TENM3: variants seen among roughly 807,000 people sequenced by gnomAD.
TENM3 encodes the protein teneurin transmembrane protein 3, also known as teneurin-3.
In TENM3, 63 loss-of-function variants were observed where a neutral mutation model predicts 255.1. The observed-to-expected ratio is 0.25, with a 90% CI of 0.20 to 0.30. The LOEUF (loss-of-function observed/expected upper bound fraction) is 0.30. TENM3 is among the 10% of genes least tolerant of loss of function. The probability of loss-of-function intolerance (pLI) is 1.00; values close to 1 mark genes in which losing one functional copy is unlikely to be tolerated. For missense variants in TENM3, 2,929 were observed against 3,461.1 expected, an observed-to-expected ratio of 0.85 and a Z score of 3.86; for synonymous variants, 1,306 against 1,322.3, an observed-to-expected ratio of 0.99 and a Z score of 0.27.
In TENM3 at chr4:182,793,349, T is replaced by C; in HGVS notation, c.6677T>C (p.Ile2226Thr). 1.2e-6 allele frequency: 2 copies of C among 1,613,778 alleles called. No individual in the cohort carries two copies. Among genetic ancestry groups the C allele is most frequent in the Non-Finnish European group, 1.7e-6 (2 of 1,179,720 alleles). The change falls in exon 26 of 28, where the codon ATC becomes ACC. Residue 2226 changes from isoleucine to threonine, a missense_variant. Coordinates refer to ENST00000511685, the MANE Select transcript of TENM3 (RefSeq NM_001080477.4). The surrounding 1 kb of genome is among the most constrained non-coding windows in gnomAD (Gnocchi z 5.7). ...AGTAAAGGCAGTGGCTGGACAGTGA[T>C]CTACCGTTATGACGGCCTGGGAAGG... ...VYSKGSGWTV[I>T]YRYDGLGRRV... is the part of the protein sequence containing the mutation.
chr4:181,899,639 C>T, the TENM3 span, among the ~76,000 whole-genome samples: 1 of 152,080 alleles, frequency 6.6e-6, no homozygotes, highest in South Asian at 2.1e-4. Context: ...GCGATCTCAG[C>T]TCACTGAAAC....
At chr4:182,728,411 T>C (rs549080610) in intron 13 of TENM3, among the ~76,000 whole-genome samples, 2 of 147,736 alleles carry the variant, frequency 1.4e-5, no homozygotes, top group East Asian at 3.9e-4. Context: ...TAATCACTAA[T>C]TTTTTTATTT....
the TENM3 span, among the ~76,000 whole-genome samples, chr4:181,605,533 AGAAAGAAAG>A: frequency 8.3e-5 from 2 of 24,082 alleles, no homozygotes; most frequent in African/African-American, 1.8e-4. Context: ...AAAGAAAGAA[AGAAAGAAAG>A]AAAGAAAGAA....
At chr4:182,172,285 G>T (rs1752160309) in intron 1 of TENM3, among the ~76,000 whole-genome samples, 1 of 152,122 alleles carries the variant, frequency 6.6e-6, no homozygotes, top group African/African-American at 2.4e-5. Context: ...AGGACTGTGT[G>T]GGGAGGGAAA....
rs1268398463 is a variant in TENM3, at chr4:182,792,455, A to G, written c.5783A>G (p.Tyr1928Cys). Reference protein sequence around the residue: ...PESNASIITDYNEEGLLLQTA... With the variant: ...PESNASIITDCNEEGLLLQTA... Reference sequence around the variant, plus strand: ...AGCAACGCCTCCATCATCACGGACTACAACGAGGAAGGGCTGCTTCTACAA... The same window carrying G: ...AGCAACGCCTCCATCATCACGGACTGCAACGAGGAAGGGCTGCTTCTACAA... Residue 1928 changes from tyrosine (Y) to cysteine (C), a missense_variant, in exon 26 of 28, where the codon TAC becomes TGC. By Grantham distance (194) the Tyr-to-Cys change is radical. Coordinates refer to ENST00000511685, the MANE Select transcript of TENM3 (RefSeq NM_001080477.4). The surrounding 1 kb of genome is among the most constrained non-coding windows in gnomAD (Gnocchi z 6.3). 1 of 1,613,948 alleles carries G rather than the reference A, an allele frequency of 6.2e-7. No individual in the cohort carries two copies. The highest frequency in any genetic ancestry group is 8.5e-7 in the Non-Finnish European group (1 of 1,179,900).
At chr4:182,687,569 T>G (rs1346214146) in intron 11 of TENM3, among the ~76,000 whole-genome samples, 2 of 152,226 alleles carry the variant, frequency 1.3e-5, no homozygotes, top group Non-Finnish European at 2.9e-5. Context: ...ATCTGTCAAC[T>G]GTACAAATTT....
chr4:182,730,231 A>C lies in TENM3; in HGVS notation c.2617A>C (p.Thr873Pro). ...LASVIRGQVL[T>P]ADGTPLIGVN... The stretch of plus-strand genomic sequence containing the variant: ...ATCTGTCATCAGAGGCCAAGTACTG[A>C]CTGCTGATGGAACTCCACTTATTGG... The change falls in exon 15 of 28, where the codon ACT becomes CCT. Residue 873 changes from threonine (T) to proline (P), a missense_variant. Around this residue, in one of 6 missense-constraint regions of TENM3, gnomAD observed 1,608 missense variants for 1,884.4 expected, o/e 0.85. Transcript: ENST00000511685. The C allele has an allele frequency of 6.2e-7, 1 of 1,613,862 alleles. No homozygotes were observed. Among genetic ancestry groups the C allele is most frequent in the Non-Finnish European group, 8.5e-7 (1 of 1,179,806 alleles).
the TENM3 span, among the ~76,000 whole-genome samples, chr4:181,772,443 A>G: frequency 5.3e-5 from 8 of 152,322 alleles, no homozygotes; most frequent in African/African-American, 1.9e-4. Context: ...ATGAGCTATT[A>G]GGAAAAATTA....
the TENM3 span, among the ~76,000 whole-genome samples, chr4:181,639,376 C>G: frequency 6.6e-6 from 1 of 152,248 alleles, no homozygotes; most frequent in East Asian, 1.9e-4. Flanking sequence ...TGACCATCCA[C>G]ATGCAGCCAA....
At chr4:182,597,549 C>T (rs2152404128) in intron 3 of TENM3, among the ~76,000 whole-genome samples, 1 of 152,290 alleles carries the variant, frequency 6.6e-6, no homozygotes, top group East Asian at 1.9e-4. Flanking sequence ...TTATGTTTCC[C>T]TCTTTGTGCT....
the TENM3 span, among the ~76,000 whole-genome samples, chr4:181,536,585 A>G: frequency 2.0e-5 from 3 of 152,244 alleles, no homozygotes; most frequent in African/African-American, 2.4e-5. Context: ...CTGTTACAGT[A>G]GAAATAAATC....
chr4:181,570,191 G>A, the TENM3 span, among the ~76,000 whole-genome samples: 4 of 151,696 alleles, frequency 2.6e-5, no homozygotes, highest in Non-Finnish European at 4.4e-5. Flanking sequence ...GACTACAGGC[G>A]CCCGCCACCG....
the TENM3 span, among the ~76,000 whole-genome samples, chr4:181,556,655 T>C: frequency 6.6e-6 from 1 of 152,218 alleles, no homozygotes; most frequent in South Asian, 2.1e-4. Context: ...TCTACTGTTT[T>C]CTTTGTTTTA....
At chr4:182,617,025 T>A (rs1749609501) in intron 4 of TENM3, among the ~76,000 whole-genome samples, 1 of 152,264 alleles carries the variant, frequency 6.6e-6, no homozygotes, top group African/African-American at 2.4e-5. Context: ...ATTTCACAGA[T>A]AATCCAGTTG....
At chr4:182,361,298 AATGTCC>A (rs1765959438) in intron 3 of TENM3, among the ~76,000 whole-genome samples, 1 of 152,166 alleles carries the variant, frequency 6.6e-6, no homozygotes, top group Non-Finnish European at 1.5e-5. Context: ...TCTCCTGGAT[AATGTCC>A]TGCAGAGTGT....
At chr4:182,128,842 T>G in the TENM3 span, among the ~76,000 whole-genome samples, 1 of 152,216 alleles carries the variant, frequency 6.6e-6, no homozygotes, top group Non-Finnish European at 1.5e-5. Flanking sequence ...AAATTACCTT[T>G]GATTTGACAT....
chr4:182,542,682 A>G (rs2151894735), intron 3 of TENM3, among the ~76,000 whole-genome samples: 1 of 152,232 alleles, frequency 6.6e-6, no homozygotes, highest in South Asian at 2.1e-4. Flanking sequence ...CTCTTTCATG[A>G]TGAAGCTCGA....
At chr4:181,596,315 T>C in the TENM3 span, among the ~76,000 whole-genome samples, 87,678 of 152,024 alleles carry the variant, frequency 0.58, 25,656 homozygotes, top group Non-Finnish European at 0.63. Flanking sequence ...TCTAGATGTG[T>C]TTTCACAAGC....
intron 1 of TENM3, among the ~76,000 whole-genome samples, chr4:182,237,652 G>C (rs955266743): frequency 1.3e-5 from 2 of 152,064 alleles, no homozygotes; most frequent in African/African-American, 4.8e-5. Flanking sequence ...GATCTTTTGG[G>C]GTCTTAGAAA....
Sources: gnomAD v4.1 joint callset for allele counts (sites outside exome capture counted in the v4.1 genomes callset) on GRCh38, gnomAD v4.1.1 for gene constraint, gnomAD v4.1.1 regional missense constraint, Gnocchi (gnomAD v3.1) non-coding constraint, MANE v1.5 for transcripts, NCBI Gene and HGNC (gene_info 2026-07-23, HGNC 2026-07-21) for gene names.